The following YEATS2 variants were observed in gnomAD, a reference collection of about 807,000 sequenced individuals.
YEATS2 encodes YEATS domain-containing protein 2.
A neutral mutation model predicts 163.2 loss-of-function variants in YEATS2; 77 were observed. The observed-to-expected ratio is 0.47, with a 90% CI of 0.39 to 0.57. The LOEUF (loss-of-function observed/expected upper bound fraction) is 0.57, where lower values mean the gene tolerates loss of function less well. Among genes scored for constraint, YEATS2 ranks in the 20% least tolerant of loss-of-function variants. The pLI is 0.00. For synonymous variants in YEATS2, 631 were observed against 645.1 expected, an observed-to-expected ratio of 0.98 and a Z score of 0.33; for missense variants, 1,549 against 1,729.8, an observed-to-expected ratio of 0.90 and a Z score of 1.85.
chr3:183,704,979 G>A (rs1175252130), intron 1 of YEATS2, among the ~76,000 whole-genome samples: 1 of 152,056 alleles, frequency 6.6e-6, no homozygotes, highest in Non-Finnish European at 1.5e-5. Flanking sequence ...GTTGGGTTCA[G>A]AGTTGTGTGT....
rs529264298 is a variant in YEATS2 at position 183,733,607 on chromosome 3, A to G, written c.813-3111A>G. 1.4e-4 allele frequency among the ~76,000 whole-genome samples: 22 copies of G among 152,336 alleles called. No homozygotes were observed. The East Asian group carries it at 4.2e-3, about 29-fold the overall frequency. The stretch of plus-strand genomic sequence containing the variant: ...AAGATGTTTGTTGTGTTAGGTATCT[A>G]AAGTAATTTAACGAATAAGGGAGGA... On this transcript the variant is annotated intron_variant, in intron 7 of 30. Coordinates refer to ENST00000305135, the MANE Select transcript of YEATS2 (RefSeq NM_018023.5).
At chr3:183,803,844 G>T in intron 26 of YEATS2, 143 bp from the exon 27 acceptor site, 1 of 787,744 alleles carries the variant, frequency 1.3e-6, no homozygotes, top group South Asian at 1.9e-5. Flanking sequence ...TTTTTAATGG[G>T]GAGTAACACA....
intron 8 of YEATS2, among the ~76,000 whole-genome samples, chr3:183,742,744 C>T (rs1032652547): frequency 3.3e-5 from 5 of 152,220 alleles, no homozygotes; most frequent in Admixed American, 1.3e-4. Flanking sequence ...GAAAGAACTT[C>T]TCTTGTGGAT....
chr3:183,743,457 C>G (rs1719186638), intron 8 of YEATS2, among the ~76,000 whole-genome samples: 2 of 152,096 alleles, frequency 1.3e-5, no homozygotes, highest in Admixed American at 1.3e-4. Flanking sequence ...CCTCTTATCT[C>G]AGCGTCCCAG....
chr3:183,773,854 G>T, intron 17 of YEATS2, 60 bp downstream of exon 17: 1 of 1,521,602 alleles, frequency 6.6e-7, no homozygotes, highest in Non-Finnish European at 8.8e-7. Context: ...TGTTCATCTT[G>T]TCCATCTGAG....
intron 15 of YEATS2, among the ~76,000 whole-genome samples, chr3:183,763,434 A>G (rs1482854578): frequency 6.6e-6 from 1 of 152,206 alleles, no homozygotes; most frequent in Non-Finnish European, 1.5e-5. Flanking sequence ...ATTGACTAAA[A>G]CATCGTTAAT....
chr3:183,748,841 C>T (rs1205248924), intron 9 of YEATS2, among the ~76,000 whole-genome samples: 1 of 152,142 alleles, frequency 6.6e-6, no homozygotes, highest in African/African-American at 2.4e-5. Flanking sequence ...TCAAGCAGTC[C>T]TCCCACCTCA....
intron 1 of YEATS2, among the ~76,000 whole-genome samples, chr3:183,706,243 G>C (rs542355633): frequency 6.6e-6 from 1 of 151,996 alleles, no homozygotes; most frequent in Non-Finnish European, 1.5e-5. Context: ...GATTCCAAAA[G>C]CTCAAAGGAA....
chr3:183,755,502 T>G (rs1720632971), intron 11 of YEATS2, among the ~76,000 whole-genome samples: 1 of 152,168 alleles, frequency 6.6e-6, no homozygotes, highest in South Asian at 2.1e-4. Flanking sequence ...ATAAATTGAT[T>G]TGAAGTTTAA....
chr3:183,778,479 A>G (rs1243846450), intron 19 of YEATS2, among the ~76,000 whole-genome samples: 3 of 152,152 alleles, frequency 2.0e-5, no homozygotes, highest in Non-Finnish European at 4.4e-5. Flanking sequence ...CCAGACAGTG[A>G]GTGAGTAGCT....
rs748724903 is a variant in YEATS2, at chr3:183,807,054, A to C, written c.3973A>C (p.Thr1325Pro). 6.2e-7 allele frequency: 1 copy of C among 1,613,972 alleles called. No individual in the cohort carries two copies. Among genetic ancestry groups the C allele is most frequent in the East Asian group, 2.2e-5 (1 of 44,878 alleles). ...GGAAGTCAAGTTCTACCTGCCACCA[A>C]CCCCAGGGTCTGAATTTATTGGGGA... is the stretch of plus-strand genomic sequence containing the variant. Reference protein sequence around the residue: ...QEEVKFYLPPTPGSEFIGDVT... With the variant: ...QEEVKFYLPPPPGSEFIGDVT... Residue 1325 changes from threonine to proline, a missense_variant, in exon 28 of 31, where the codon ACC becomes CCC. Physicochemically the swap from Thr to Pro is conservative, Grantham distance 38. Coordinates refer to ENST00000305135, the MANE Select transcript of YEATS2 (RefSeq NM_018023.5).
At chr3:183,755,865 G>A (rs770768114) in intron 11 of YEATS2, among the ~76,000 whole-genome samples, 1 of 146,984 alleles carries the variant, frequency 6.8e-6, no homozygotes, top group Non-Finnish European at 1.5e-5. Context: ...TCCTGCCTCA[G>A]CCTCTCGAGG....
At chr3:183,795,418 G>A (rs1345302645) in intron 21 of YEATS2, among the ~76,000 whole-genome samples, 1 of 148,962 alleles carries the variant, frequency 6.7e-6, no homozygotes, top group African/African-American at 2.5e-5. Flanking sequence ...CCTCCCTAAT[G>A]GCTGGTACTA....
chr3:183,798,529 T>G (rs888020494), intron 22 of YEATS2, among the ~76,000 whole-genome samples: 1 of 152,102 alleles, frequency 6.6e-6, no homozygotes, highest in African/African-American at 2.4e-5. Context: ...AATTTTCGTA[T>G]TTTTAGTAAA....
At chr3:183,730,052 G>GTTTGTTTTTTTTTTTTT (rs1560244258) in intron 7 of YEATS2, among the ~76,000 whole-genome samples, 2 of 41,714 alleles carry the variant, frequency 4.8e-5, no homozygotes, top group Admixed American at 4.3e-4. Context: ...TTTTTTGTTT[G>GTTTGTTTTTTTTTTTTT]TTTTTTTTTT....
At chr3:183,725,727 G>A (rs1285160508) in intron 6 of YEATS2, among the ~76,000 whole-genome samples, 1 of 152,202 alleles carries the variant, frequency 6.6e-6, no homozygotes, top group African/African-American at 2.4e-5. Context: ...AGCTACAATT[G>A]AAGATGAGAT....
chr3:183,794,582 G>A (rs1724960423), intron 21 of YEATS2, among the ~76,000 whole-genome samples: 1 of 152,202 alleles, frequency 6.6e-6, no homozygotes, highest in African/African-American at 2.4e-5. Flanking sequence ...GTCCCAGTCA[G>A]CTGTTGTAAG....
At chr3:183,698,908 C>T (rs1342431402) in intron 1 of YEATS2, among the ~76,000 whole-genome samples, 3 of 152,120 alleles carry the variant, frequency 2.0e-5, no homozygotes, top group African/African-American at 7.2e-5. Flanking sequence ...AGAGATACTA[C>T]CCTTGGATGT....
chr3:183,763,133 C>T (rs896221377), intron 15 of YEATS2, among the ~76,000 whole-genome samples: 1 of 151,942 alleles, frequency 6.6e-6, no homozygotes, highest in African/African-American at 2.4e-5. Context: ...TGTAGCCATG[C>T]ATCACCTGAT....
Sources: allele counts gnomAD v4.1 joint callset (sites outside exome capture counted in the v4.1 genomes callset), GRCh38; gene constraint gnomAD v4.1.1; transcripts MANE v1.5; gene names NCBI Gene and HGNC (gene_info 2026-07-23, HGNC 2026-07-21).